TMEM132C: variants seen among roughly 807,000 people sequenced by gnomAD.
TMEM132C encodes the protein protein phosphatase 1, regulatory subunit 152.
Under a neutral mutation model 61.4 loss-of-function variants are expected in TMEM132C, and 29 were observed. That is an observed-to-expected ratio of 0.47 (90% CI 0.35 to 0.64). The LOEUF (loss-of-function observed/expected upper bound fraction) is 0.64. TMEM132C is among the 30% of genes least tolerant of loss of function. The probability of loss-of-function intolerance (pLI) is 0.00; values close to 1 mark genes in which losing one functional copy is unlikely to be tolerated. For synonymous variants in TMEM132C, 656 were observed against 633.1 expected (o/e 1.04, Z -0.54); for missense variants, 1,408 against 1,476.9 (o/e 0.95, Z 0.76).
chr12:128,383,655 T>G (rs73436631), intron 1 of TMEM132C, among the ~76,000 whole-genome samples: 8,752 of 152,270 alleles, frequency 0.057, 509 homozygotes, highest in African/African-American at 0.16. Context: ...CCCCAGTCCT[T>G]GTCTTTGTAG....
chr12:128,631,439 A>G (rs1954064396), intron 4 of TMEM132C, among the ~76,000 whole-genome samples: 1 of 152,148 alleles, frequency 6.6e-6, no homozygotes, highest in South Asian at 2.1e-4. Flanking sequence ...TTTCCTCATC[A>G]TTCTTCATCT....
chr12:128,694,676 G>A (rs773685095), intron 6 of TMEM132C, among the ~76,000 whole-genome samples: 7 of 152,116 alleles, frequency 4.6e-5, no homozygotes, highest in Non-Finnish European at 1.0e-4. Context: ...CAGGCACCAG[G>A]GCCTTTCTCA....
At chr12:128,309,838 C>T (rs758956645) in intron 1 of TMEM132C, among the ~76,000 whole-genome samples, 9 of 151,944 alleles carry the variant, frequency 5.9e-5, no homozygotes, top group Non-Finnish European at 8.8e-5. Context: ...TGGCTTCAAG[C>T]GATTCCCCTG....
chr12:128,668,644 A>G (rs772568449), intron 4 of TMEM132C, among the ~76,000 whole-genome samples: 2 of 152,240 alleles, frequency 1.3e-5, no homozygotes, highest in Non-Finnish European at 2.9e-5. Flanking sequence ...ACACAAATGT[A>G]TCATCCTACA....
chr12:128,418,995 T>C (rs1286527447), intron 2 of TMEM132C, among the ~76,000 whole-genome samples: 1 of 152,172 alleles, frequency 6.6e-6, no homozygotes, highest in East Asian at 1.9e-4. Context: ...TTCTGTATCA[T>C]CAATGCAATG....
At chr12:128,686,304 C>T (rs901017539) in intron 5 of TMEM132C, among the ~76,000 whole-genome samples, 6 of 152,196 alleles carry the variant, frequency 3.9e-5, no homozygotes, top group Non-Finnish European at 8.8e-5. Flanking sequence ...CATTCTACCC[C>T]GTTGATGCTG....
At chr12:128,639,511 T>C (rs936813916) in intron 4 of TMEM132C, among the ~76,000 whole-genome samples, 7 of 152,172 alleles carry the variant, frequency 4.6e-5, no homozygotes, top group Admixed American at 1.3e-4. Context: ...AAATCAGATC[T>C]GATAAATGAG....
intron 4 of TMEM132C, among the ~76,000 whole-genome samples, chr12:128,666,227 AGG>A (rs1954472588): frequency 1.3e-5 from 2 of 149,996 alleles, no homozygotes; most frequent in African/African-American, 2.5e-5. Flanking sequence ...CCACACACAC[AGG>A]CACACACACA....
intron 1 of TMEM132C, among the ~76,000 whole-genome samples, chr12:128,309,488 T>C (rs1336880593): frequency 6.6e-6 from 1 of 152,168 alleles, no homozygotes; most frequent in Non-Finnish European, 1.5e-5. Flanking sequence ...TTCAAAACTT[T>C]TCCATCACCC....
intron 4 of TMEM132C, among the ~76,000 whole-genome samples, chr12:128,622,343 CAAAAA>C (rs71069584): frequency 0.01 from 163 of 16,074 alleles, 1 homozygote; most frequent in East Asian, 0.016. Context: ...GACTTTGTCT[CAAAAA>C]AAAAAAAAAA....
intron 3 of TMEM132C, among the ~76,000 whole-genome samples, chr12:128,564,756 A>C (rs1459418245): frequency 6.6e-6 from 1 of 152,188 alleles, no homozygotes; most frequent in African/African-American, 2.4e-5. Context: ...GATTGCCCTC[A>C]AGAGCAAATA....
At chr12:128,651,571 G>A (rs1479489909) in intron 4 of TMEM132C, among the ~76,000 whole-genome samples, 1 of 152,236 alleles carries the variant, frequency 6.6e-6, no homozygotes, top group Non-Finnish European at 1.5e-5. Flanking sequence ...GTTCCAGGCA[G>A]TGGGGGAGGA....
At chr12:128,328,786 TAAAAAAAAA>T (rs71069557) in intron 1 of TMEM132C, among the ~76,000 whole-genome samples, 3 of 94,228 alleles carry the variant, frequency 3.2e-5, no homozygotes, top group Non-Finnish European at 6.4e-5. Context: ...GATTCTGTCT[TAAAAAAAAA>T]AAAAAAAAAA....
Position 128,616,410 on chromosome 12 carries a change from G to A in TMEM132C, c.1305+75G>A, listed in dbSNP as rs1876803773. ...ATCCTGTGTCCTTCCTATCTGTCAT[G>A]GGATGTTTGCTACAATGATTTTATG... is the stretch of plus-strand genomic sequence containing the variant. On this transcript the variant is annotated intron_variant, in intron 4 of 8. Transcript: ENST00000435159. 2.2e-6 allele frequency: 3 copies of A among 1,387,358 alleles called. No homozygotes were observed. The African/African-American group carries it at 4.4e-5, about 20-fold the overall frequency. 85.9% of individuals were successfully genotyped at this position (1,387,358 alleles called of 1,614,324 possible).
chr12:128,622,400 T>A (rs1477462125), intron 4 of TMEM132C, among the ~76,000 whole-genome samples: 18 of 117,346 alleles, frequency 1.5e-4, no homozygotes, highest in South Asian at 6.0e-4. Context: ...TATATATATA[T>A]AACCAGGAAA....
chr12:128,450,387 G>T (rs1334587959), intron 2 of TMEM132C, among the ~76,000 whole-genome samples: 1 of 152,124 alleles, frequency 6.6e-6, no homozygotes, highest in Non-Finnish European at 1.5e-5. Context: ...GCACCAAAGA[G>T]AGAGCCTTTG....
At chr12:128,655,629 T>G (rs1338680623) in intron 4 of TMEM132C, among the ~76,000 whole-genome samples, 2 of 152,020 alleles carry the variant, frequency 1.3e-5, no homozygotes, top group East Asian at 3.9e-4. Context: ...GTTGTCAGTC[T>G]CTGCTTTCTC....
At chr12:128,592,766 G>A (rs138661486) in intron 3 of TMEM132C, among the ~76,000 whole-genome samples, 1 of 152,236 alleles carries the variant, frequency 6.6e-6, no homozygotes, top group Non-Finnish European at 1.5e-5. Context: ...CAGGCTCCCA[G>A]ATTCCCTTTT....
chr12:128,318,968 C>T (rs1394711021), intron 1 of TMEM132C, among the ~76,000 whole-genome samples: 5 of 152,184 alleles, frequency 3.3e-5, no homozygotes, highest in Non-Finnish European at 7.4e-5. Flanking sequence ...ACCTTACTTC[C>T]CCTAGAGCTT....
Sources: gnomAD v4.1 joint callset for allele counts (sites outside exome capture counted in the v4.1 genomes callset) on GRCh38, gnomAD v4.1.1 for gene constraint, MANE v1.5 for transcripts, NCBI Gene and HGNC (gene_info 2026-07-23, HGNC 2026-07-21) for gene names.